Variants in SOX5 observed in about 807,000 individuals in gnomAD.
The protein encoded by SOX5 is SRY-box transcription factor 5.
Under a neutral mutation model 92.0 loss-of-function variants are expected in SOX5, and 9 were observed. That is an observed-to-expected ratio of 0.10 (90% CI 0.06 to 0.17). The LOEUF (loss-of-function observed/expected upper bound fraction) is 0.17, where lower values mean the gene tolerates loss of function less well. SOX5 is among the 10% of genes least tolerant of loss of function. The pLI is 1.00. For synonymous variants in SOX5, 344 were observed against 336.3 expected (o/e 1.02, Z -0.25); for missense variants, 642 against 944.5 (o/e 0.68, Z 4.20).
intron 1 of SOX5, among the ~76,000 whole-genome samples, chr12:23,898,292 G>A (rs1169835172): frequency 6.6e-6 from 1 of 152,076 alleles, no homozygotes; most frequent in African/African-American, 2.4e-5. Context: ...TAGCATTTGT[G>A]GTCTGAGTGG....
intron 2 of SOX5, among the ~76,000 whole-genome samples, chr12:23,857,318 C>T (rs1475862167): frequency 1.3e-5 from 2 of 152,018 alleles, no homozygotes; most frequent in Non-Finnish European, 2.9e-5. Context: ...ATTAGTCTAG[C>T]AGTGGTATGT....
chr12:23,615,645 C>T (rs2076466684), intron 8 of SOX5, among the ~76,000 whole-genome samples: 2 of 151,332 alleles, frequency 1.3e-5, no homozygotes, highest in Admixed American at 6.6e-5. Flanking sequence ...ATAATGGCCT[C>T]CAGTTCCATT....
At chr12:23,572,619 G>A (rs1948548132) in intron 10 of SOX5, among the ~76,000 whole-genome samples, 1 of 152,114 alleles carries the variant, frequency 6.6e-6, no homozygotes, top group African/African-American at 2.4e-5. Flanking sequence ...TATTCTACTA[G>A]TCACATATTC....
intron 1 of SOX5, among the ~76,000 whole-genome samples, chr12:24,528,438 G>C (rs1950902066): frequency 6.6e-6 from 1 of 152,174 alleles, no homozygotes; most frequent in South Asian, 2.1e-4. Flanking sequence ...ATGAAAAGTT[G>C]AAAGAGTATC....
Position 23,537,570 on chromosome 12 carries a change from G to T in SOX5, c.1772-901C>A, listed in dbSNP as rs141413122. 1.1e-4 allele frequency among the ~76,000 whole-genome samples: 17 copies of T among 152,198 alleles called. No homozygotes were observed. In the East Asian group the frequency reaches 3.3e-3, roughly 29 times the overall value. On this transcript the variant is annotated intron_variant, in intron 13 of 14. Coordinates refer to ENST00000451604, the MANE Select transcript of SOX5 (RefSeq NM_006940.6). ...ATCAATTTCAATAACATACAAAGAC[G>T]TCACTTCCCATGATACAGTCTGCTT...
At chr12:24,470,862 T>C (rs1025450379) in intron 1 of SOX5, among the ~76,000 whole-genome samples, 5 of 152,150 alleles carry the variant, frequency 3.3e-5, no homozygotes, top group Admixed American at 3.3e-4. Context: ...AGTTTAAACA[T>C]GGTAACATAT....
At chr12:24,467,250 C>G (rs117528822) in intron 1 of SOX5, among the ~76,000 whole-genome samples, 2,947 of 152,298 alleles carry the variant, frequency 0.019, 40 homozygotes, top group Admixed American at 0.035. Context: ...AGCTCTGTGT[C>G]AATCCCTGTG....
At chr12:24,103,280 C>T (rs943830665) in intron 4 of SOX5, among the ~76,000 whole-genome samples, 3 of 152,130 alleles carry the variant, frequency 2.0e-5, no homozygotes, top group Non-Finnish European at 4.4e-5. Flanking sequence ...CTTAGCTTTA[C>T]ATTTTATACA....
intron 2 of SOX5, among the ~76,000 whole-genome samples, chr12:23,847,206 A>G (rs539153920): frequency 6.6e-6 from 1 of 152,098 alleles, no homozygotes; most frequent in African/African-American, 2.4e-5. Context: ...ACCTCTCACA[A>G]AACAGACATC....
In SOX5 at chr12:23,912,195, A is replaced by C. The variant is rs892857985; in HGVS notation, c.39-16171T>G. Among the ~76,000 whole-genome samples the C allele has an allele frequency of 2.6e-5, 4 of 152,268 alleles. No individual in the cohort carries two copies. The East Asian group carries it at 7.7e-4, about 29-fold the overall frequency. On this transcript the variant is annotated intron_variant, in intron 1 of 14. Transcript: ENST00000451604. ...ATTTTTAAAATGAGAAAAGGATCTG[A>C]ATATACATTTCTCCCCAGAAGATAT... is the stretch of plus-strand genomic sequence containing the variant.
chr12:24,230,805 G>A (rs1963231614), intron 3 of SOX5, among the ~76,000 whole-genome samples: 1 of 152,186 alleles, frequency 6.6e-6, no homozygotes. Flanking sequence ...GCAATTTTCA[G>A]AGGTTTCCTG....
At chr12:24,235,768 T>C (rs1415166723) in intron 3 of SOX5, among the ~76,000 whole-genome samples, 1 of 152,240 alleles carries the variant, frequency 6.6e-6, no homozygotes, top group African/African-American at 2.4e-5. Context: ...AGTTTATGCT[T>C]TTGAGACTAA....
At chr12:23,694,216 C>T (rs186855330) in intron 6 of SOX5, among the ~76,000 whole-genome samples, 4 of 152,286 alleles carry the variant, frequency 2.6e-5, no homozygotes, top group Admixed American at 1.3e-4. Context: ...AACAACCTGT[C>T]TATGAATGAA....
At chr12:23,855,035 CAT>C (rs1171800625) in intron 2 of SOX5, among the ~76,000 whole-genome samples, 2 of 150,378 alleles carry the variant, frequency 1.3e-5, no homozygotes, top group Non-Finnish European at 3.0e-5. Context: ...ATGAATAAAA[CAT>C]AGAATATACA....
rs1031621841 is a variant in SOX5, at chr12:24,393,426, G to A, written c.-250-24787C>T. Among the ~76,000 whole-genome samples, 1 of 152,180 alleles carries A rather than the reference G, an allele frequency of 6.6e-6. No homozygotes were observed. The highest frequency in any genetic ancestry group is 1.5e-5 in the Non-Finnish European group (1 of 68,026). On this transcript the variant is annotated intron_variant, in intron 1 of 4. Coordinates refer to the SOX5 transcript ENST00000446891. The surrounding 1 kb of genome is among the most constrained non-coding windows in gnomAD (Gnocchi z 5.0). ...AACAGAATGACAATCCAGTATGACA[G>A]AAAAGGGTTTTGCAAGGGCTTGGAG...
chr12:24,191,425 T>C (rs1258167457), intron 4 of SOX5, among the ~76,000 whole-genome samples: 1 of 152,234 alleles, frequency 6.6e-6, no homozygotes, highest in East Asian at 1.9e-4. Context: ...CAAGGCTTCC[T>C]GCTGCTCCAG....
chr12:24,294,596 C>T (rs1946987077), intron 2 of SOX5, among the ~76,000 whole-genome samples: 2 of 152,178 alleles, frequency 1.3e-5, no homozygotes, highest in South Asian at 4.1e-4. Context: ...AATGGAGTCA[C>T]CAAAATGCAC....
intron 4 of SOX5, among the ~76,000 whole-genome samples, chr12:24,015,617 G>C (rs1186429844): frequency 6.6e-6 from 1 of 152,150 alleles, no homozygotes; most frequent in Non-Finnish European, 1.5e-5. Flanking sequence ...TATATACTGA[G>C]TAGTCAAAAA....
At chr12:24,561,231 C>A (rs1945591381) in intron 1 of SOX5, among the ~76,000 whole-genome samples, 1 of 152,146 alleles carries the variant, frequency 6.6e-6, no homozygotes, top group African/African-American at 2.4e-5. Flanking sequence ...TAGGGCTCTG[C>A]ATATTCACAG....
Sources: allele counts gnomAD v4.1 joint callset (sites outside exome capture counted in the v4.1 genomes callset), GRCh38; gene constraint gnomAD v4.1.1; non-coding constraint Gnocchi (gnomAD v3.1); transcripts MANE v1.5; gene names NCBI Gene and HGNC (gene_info 2026-07-23, HGNC 2026-07-21).